The following MED13L variants were observed in gnomAD, a reference collection of about 807,000 sequenced individuals.
MED13L encodes mediator of RNA polymerase II transcription subunit 13-like.
MED13L carries 7 observed loss-of-function variants against 220.9 expected under a neutral mutation model. The observed-to-expected ratio is 0.03, with a 90% CI of 0.02 to 0.06. The LOEUF (loss-of-function observed/expected upper bound fraction) is 0.06, where lower values mean the gene tolerates loss of function less well. Among genes scored for constraint, MED13L ranks in the 10% least tolerant of loss-of-function variants. The pLI, the probability that MED13L is intolerant of heterozygous loss-of-function variation, is 1.00. For synonymous variants in MED13L, 1,011 were observed against 1,015.2 expected (o/e 1.00, Z 0.08); for missense variants, 1,965 against 2,760.5 (o/e 0.71, Z 6.46).
intron 4 of MED13L, among the ~76,000 whole-genome samples, chr12:116,037,180 C>A (rs1391289086): frequency 1.3e-5 from 2 of 152,096 alleles, no homozygotes; most frequent in East Asian, 3.9e-4. Flanking sequence ...TACACCTATA[C>A]CTACATAAAC....
Position 115,983,398 on chromosome 12 carries a change from A to T in MED13L, c.4674T>A (p.Ala1558=), listed in dbSNP as rs751669404. ...TCGAGGTGGGATTAAATGCACTGCCAGCTGGGGGAGCTGCTGATCCATTTG... is the reference window on the plus strand; with the variant it reads ...TCGAGGTGGGATTAAATGCACTGCCTGCTGGGGGAGCTGCTGATCCATTTG... ...LAPNGSAAPP[A]GSAFNPTSNS... Residue 1558 remains alanine (A), a synonymous_variant, in exon 21 of 31, where the codon GCT becomes GCA. Transcript: ENST00000281928. The T allele has an allele frequency of 6.2e-7, 1 of 1,614,220 alleles. No individual in the cohort carries two copies. Among genetic ancestry groups the T allele is most frequent in the Non-Finnish European group, 8.5e-7 (1 of 1,180,016 alleles).
At chr12:116,233,036 A>C (rs1869720408) in intron 2 of MED13L, among the ~76,000 whole-genome samples, 2 of 151,428 alleles carry the variant, frequency 1.3e-5, no homozygotes, top group Admixed American at 6.6e-5. Flanking sequence ...GCAGTGAGCC[A>C]AGATTGCATC....
chr12:115,980,124 T>C (rs1024313926), intron 23 of MED13L, among the ~76,000 whole-genome samples: 2 of 152,102 alleles, frequency 1.3e-5, no homozygotes, highest in African/African-American at 4.8e-5. Context: ...GGATTTCTGA[T>C]CTAAGACACA....
At chr12:115,992,723 G>A (rs567478748) in intron 16 of MED13L, among the ~76,000 whole-genome samples, 1 of 152,120 alleles carries the variant, frequency 6.6e-6, no homozygotes, top group African/African-American at 2.4e-5. Flanking sequence ...GCTTTCTGTG[G>A]GGTGGTAAGC....
intron 4 of MED13L, among the ~76,000 whole-genome samples, chr12:116,070,200 A>C (rs1870260882): frequency 6.6e-6 from 1 of 152,178 alleles, no homozygotes; most frequent in Non-Finnish European, 1.5e-5. Flanking sequence ...TAATCCCAAC[A>C]CACATTTTGG....
At position 116,264,903 on chromosome 12, in the gene MED13L, G is replaced by T. The variant is rs143430234; in HGVS notation, c.72+12157C>A. ...AGCTACTCCAGAGGCTGAGGCAAGAGGATTACTTGAGTCCCAGAGTTCAAG... is the reference window on the plus strand; with the variant it reads ...AGCTACTCCAGAGGCTGAGGCAAGATGATTACTTGAGTCCCAGAGTTCAAG... On this transcript the variant is annotated intron_variant, in intron 1 of 30. Transcript: ENST00000281928. Among the ~76,000 whole-genome samples the T allele has an allele frequency of 1.7e-3, 253 of 152,268 alleles. 2 individuals carry two copies. The South Asian group carries it at 0.026, about 16-fold the overall frequency.
chr12:116,143,095 T>C (rs983197824), intron 2 of MED13L, among the ~76,000 whole-genome samples: 5 of 152,226 alleles, frequency 3.3e-5, no homozygotes, highest in African/African-American at 9.6e-5. Flanking sequence ...ACTACATCAG[T>C]AGCTAACCAC....
chr12:116,098,107 G>T (rs981209128), intron 3 of MED13L, among the ~76,000 whole-genome samples: 20 of 152,084 alleles, frequency 1.3e-4, no homozygotes, highest in Non-Finnish European at 2.2e-4. Context: ...TTAGCTGGGC[G>T]TGGTGGTGCG....
chr12:115,996,514 G>A lies in MED13L; in HGVS notation c.2958C>T (p.Pro986=), dbSNP rs1878416062. The A allele has an allele frequency of 1.2e-6, 2 of 1,614,054 alleles. No homozygotes were observed. Among genetic ancestry groups the A allele is most frequent in the African/African-American group, 2.7e-5 (2 of 74,926 alleles). The change falls in exon 16 of 31, where the codon CCC becomes CCT. Residue 986 remains proline, a synonymous_variant. Transcript: ENST00000281928. The part of the protein sequence containing the change: ...WAIPPKIEQL[P]MPPAATFIRD... ...TAATGAAAGTGGCTGCAGGGGGCAT[G>A]GGCAGTTGTTCAATTTTAGGAGGAA...
Position 116,204,773 on chromosome 12 carries a change from T to C in MED13L, c.310+32695A>G, listed in dbSNP as rs1052896477. ...ACCTTGTCTTGTCTGTAGATCCCTA[T>C]CTGTAGATATAGAGATACTTAGGTA... On this transcript the variant is annotated intron_variant, in intron 2 of 30. Coordinates refer to ENST00000281928, the MANE Select transcript of MED13L (RefSeq NM_015335.5). Among the ~76,000 whole-genome samples, 8 of 152,206 alleles carry C rather than the reference T, an allele frequency of 5.3e-5. 1 individual carries two copies. The highest frequency in any genetic ancestry group is 1.0e-4 in the Non-Finnish European group (7 of 68,036).
intron 2 of MED13L, among the ~76,000 whole-genome samples, chr12:116,134,113 A>G (rs1261133227): frequency 6.6e-6 from 1 of 152,182 alleles, no homozygotes; most frequent in East Asian, 1.9e-4. Context: ...GTTTTTTGCT[A>G]CTGAGTTTTG....
At chr12:116,228,616 T>A (rs1402260220) in intron 2 of MED13L, among the ~76,000 whole-genome samples, 1 of 152,160 alleles carries the variant, frequency 6.6e-6, no homozygotes. Flanking sequence ...TTTTATTTCA[T>A]CTCCTATATA....
At chr12:116,264,816 A>C (rs1489088162) in intron 1 of MED13L, among the ~76,000 whole-genome samples, 1 of 152,074 alleles carries the variant, frequency 6.6e-6, no homozygotes. Context: ...CTTGCTTCAC[A>C]ATCAACCTTC....
At chr12:116,068,077 T>TA (rs1474567704) in intron 4 of MED13L, among the ~76,000 whole-genome samples, 4 of 152,184 alleles carry the variant, frequency 2.6e-5, no homozygotes, top group East Asian at 1.9e-4. Context: ...CATTTCTGCT[T>TA]ATAGATGTGA....
chr12:116,166,325 C>T (rs1162395418), intron 2 of MED13L, among the ~76,000 whole-genome samples: 1 of 152,160 alleles, frequency 6.6e-6, no homozygotes, highest in Non-Finnish European at 1.5e-5. Context: ...AGCAGATCCA[C>T]CCTTAATCTG....
chr12:116,042,427 T>G (rs1355534480), intron 4 of MED13L, among the ~76,000 whole-genome samples: 1 of 152,164 alleles, frequency 6.6e-6, no homozygotes, highest in East Asian at 1.9e-4. Context: ...TGTTTTAAAA[T>G]ATCCCATACA....
chr12:116,016,144 T>C (rs1055831109), intron 7 of MED13L, among the ~76,000 whole-genome samples: 2 of 152,154 alleles, frequency 1.3e-5, no homozygotes, highest in African/African-American at 4.8e-5. Flanking sequence ...AGTAAGTATA[T>C]ATTATGGATT....
intron 2 of MED13L, among the ~76,000 whole-genome samples, chr12:116,126,406 A>C (rs890959776): frequency 7.9e-5 from 12 of 152,122 alleles, no homozygotes; most frequent in African/African-American, 2.7e-4. Flanking sequence ...GGCTCCCATA[A>C]CACAAGGTGC....
rs1471693687 is a variant in MED13L, at chr12:116,220,518, G to A, written c.310+16950C>T. Among the ~76,000 whole-genome samples the A allele has an allele frequency of 2.0e-5, 3 of 152,112 alleles. No individual in the cohort carries two copies. In the East Asian group the frequency reaches 5.8e-4, roughly 29 times the overall value. On this transcript the variant is annotated intron_variant, in intron 2 of 30. Transcript: ENST00000281928. ...GTTCAAGACCAGCCTGGCCATTATG[G>A]CGAAACCCCATCTCTACTAAAAATA...
Sources: gnomAD v4.1 joint callset for allele counts (sites outside exome capture counted in the v4.1 genomes callset) on GRCh38, gnomAD v4.1.1 for gene constraint, MANE v1.5 for transcripts, NCBI Gene and HGNC (gene_info 2026-07-23, HGNC 2026-07-21) for gene names.